Variants in SNTG1 observed in about 807,000 individuals in gnomAD.
SNTG1 encodes gamma-1-syntrophin.
A neutral mutation model predicts 74.7 loss-of-function variants in SNTG1; 39 were observed. The ratio of observed to expected loss-of-function variants is 0.52; its 90% CI spans 0.40 to 0.68. The LOEUF (loss-of-function observed/expected upper bound fraction) is 0.68, where lower values mean the gene tolerates loss of function less well. SNTG1 is among the 30% of genes least tolerant of loss of function. The pLI, the probability that SNTG1 is intolerant of heterozygous loss-of-function variation, is 0.00. For synonymous variants in SNTG1, 254 were observed against 217.1 expected (o/e 1.17, Z -1.49); for missense variants, 685 against 609.5 (o/e 1.12, Z -1.30).
intron 18 of SNTG1, among the ~76,000 whole-genome samples, chr8:50,765,166 A>G (rs184804685): frequency 5.9e-5 from 9 of 152,152 alleles, no homozygotes; most frequent in Non-Finnish European, 1.2e-4. Flanking sequence ...GTAAGAGATG[A>G]TAAGTATCTG....
At chr8:50,499,280 CA>C (rs1480301446) in intron 8 of SNTG1, among the ~76,000 whole-genome samples, 10 of 151,780 alleles carry the variant, frequency 6.6e-5, no homozygotes, top group African/African-American at 2.4e-4. Context: ...TAGATTGATA[CA>C]TAAATATTTC....
intron 1 of SNTG1, among the ~76,000 whole-genome samples, chr8:50,113,115 G>GT (rs1326487299): frequency 3.3e-5 from 5 of 152,036 alleles, no homozygotes; most frequent in South Asian, 2.1e-4. Flanking sequence ...TTTTAAAGTA[G>GT]TTTTTTTCCA....
chr8:50,100,814 T>C (rs894592968), intron 1 of SNTG1, among the ~76,000 whole-genome samples: 1 of 152,108 alleles, frequency 6.6e-6, no homozygotes, highest in Non-Finnish European at 1.5e-5. Context: ...CAGGGATCCA[T>C]GTGCAGGTTT....
chr8:50,133,235 G>A (rs1410373209), intron 1 of SNTG1, among the ~76,000 whole-genome samples: 1 of 152,086 alleles, frequency 6.6e-6, no homozygotes, highest in Non-Finnish European at 1.5e-5. Context: ...TTTATACCAA[G>A]TATTGCCTTT....
At chr8:50,021,971 A>C (rs1816863523) in intron 1 of SNTG1, among the ~76,000 whole-genome samples, 1 of 151,672 alleles carries the variant, frequency 6.6e-6, no homozygotes, top group African/African-American at 2.4e-5. Flanking sequence ...TAAAAATAAA[A>C]AGAAGAAGAA....
intron 2 of SNTG1, among the ~76,000 whole-genome samples, chr8:50,390,309 C>A (rs2092638773): frequency 6.6e-6 from 1 of 152,174 alleles, no homozygotes; most frequent in African/African-American, 2.4e-5. Flanking sequence ...TATAGCTAGC[C>A]AGTTTTCCCA....
At chr8:50,061,319 T>C (rs373869108) in intron 1 of SNTG1, among the ~76,000 whole-genome samples, 1 of 152,136 alleles carries the variant, frequency 6.6e-6, no homozygotes, top group East Asian at 1.9e-4. Flanking sequence ...AAGTTGTTTA[T>C]AGTGTTCCAC....
chr8:50,305,043 C>T (rs914369961), intron 2 of SNTG1, among the ~76,000 whole-genome samples: 8 of 152,104 alleles, frequency 5.3e-5, no homozygotes, highest in Admixed American at 5.2e-4. Flanking sequence ...GCTGGGATTA[C>T]AGGTGCGGAC....
intron 1 of SNTG1, among the ~76,000 whole-genome samples, chr8:49,960,044 TC>T (rs1810538366): frequency 6.6e-6 from 1 of 152,240 alleles, no homozygotes; most frequent in African/African-American, 2.4e-5. Context: ...AGTTCAGCAT[TC>T]TTTTACCGTG....
chr8:49,969,918 CTGTGTGTGTGTG>C (rs34129313), intron 1 of SNTG1, among the ~76,000 whole-genome samples: 5 of 149,004 alleles, frequency 3.4e-5, no homozygotes. Flanking sequence ...AATAAAAAAC[CTGTGTGTGTGTG>C]TGTGTGTGTG....
intron 1 of SNTG1, among the ~76,000 whole-genome samples, chr8:50,002,499 TAAA>T (rs1363960730): frequency 6.6e-6 from 1 of 152,184 alleles, no homozygotes; most frequent in African/African-American, 2.4e-5. Context: ...AGGTCAACAA[TAAA>T]AACAATAAGC....
intron 2 of SNTG1, among the ~76,000 whole-genome samples, chr8:50,332,729 A>C (rs571526293): frequency 2.0e-4 from 30 of 152,276 alleles, no homozygotes; most frequent in African/African-American, 7.0e-4. Context: ...GCCAGCAATT[A>C]ATCTCCTTAG....
chr8:50,722,506 A>G (rs2095490270), intron 17 of SNTG1, among the ~76,000 whole-genome samples: 1 of 152,108 alleles, frequency 6.6e-6, no homozygotes. Context: ...GATTGCATTG[A>G]ATCCAAGGTT....
At chr8:50,239,555 G>A (rs916184591) in intron 2 of SNTG1, among the ~76,000 whole-genome samples, 2 of 152,154 alleles carry the variant, frequency 1.3e-5, no homozygotes, top group Admixed American at 6.6e-5. Flanking sequence ...TTACTCAGTT[G>A]TAAATGAGGA....
intron 1 of SNTG1, among the ~76,000 whole-genome samples, chr8:50,167,591 G>A (rs972237810): frequency 6.6e-6 from 1 of 150,456 alleles, no homozygotes; most frequent in Non-Finnish European, 1.5e-5. Flanking sequence ...GAGCCCACGA[G>A]TTTGAGGCCA....
intron 1 of SNTG1, among the ~76,000 whole-genome samples, chr8:50,136,826 G>GTACA (rs1396145773): frequency 6.6e-6 from 1 of 152,128 alleles, no homozygotes; most frequent in African/African-American, 2.4e-5. Flanking sequence ...CTCTGACAGA[G>GTACA]TACATACAGG....
chr8:50,729,029 GTC>G (rs2095506717), intron 17 of SNTG1, among the ~76,000 whole-genome samples: 1 of 152,172 alleles, frequency 6.6e-6, no homozygotes, highest in Non-Finnish European at 1.5e-5. Context: ...TGCTGAGCCT[GTC>G]TATCTGTGAG....
At chr8:50,285,636 A>C (rs2088728284) in intron 2 of SNTG1, among the ~76,000 whole-genome samples, 1 of 152,058 alleles carries the variant, frequency 6.6e-6, no homozygotes, top group Non-Finnish European at 1.5e-5. Flanking sequence ...CCATCCATCC[A>C]TTCATTTTTA....
chr8:50,312,883 G>A (rs1339003318), intron 2 of SNTG1, among the ~76,000 whole-genome samples: 2 of 149,978 alleles, frequency 1.3e-5, no homozygotes, highest in Admixed American at 6.7e-5. Context: ...CATCCAGTTA[G>A]GTTTCAGATT....
Sources: gnomAD v4.1 joint callset for allele counts (sites outside exome capture counted in the v4.1 genomes callset) on GRCh38, gnomAD v4.1.1 for gene constraint, MANE v1.5 for transcripts, NCBI Gene and HGNC (gene_info 2026-07-23, HGNC 2026-07-21) for gene names.